The following ACTA2 variants were observed in gnomAD, a reference collection of about 807,000 sequenced individuals.
ACTA2 encodes the protein actin alpha 2, smooth muscle.
Under a neutral mutation model 39.5 loss-of-function variants are expected in ACTA2, and 12 were observed. The ratio of observed to expected loss-of-function variants is 0.30; its 90% CI spans 0.19 to 0.49. ACTA2 has a LOEUF of 0.49. ACTA2 is among the 20% of genes least tolerant of loss of function. The probability of loss-of-function intolerance (pLI) is 0.99; values close to 1 mark genes in which losing one functional copy is unlikely to be tolerated. For synonymous variants in ACTA2, 158 were observed against 180.6 expected (o/e 0.88, Z 1.00); for missense variants, 236 against 498.8 (o/e 0.47, Z 5.02).
intron 2 of ACTA2, chr10:88,948,484 T>C: frequency 3.0e-6 from 1 of 338,410 alleles, no homozygotes; most frequent in South Asian, 2.7e-5. Context: ...GTAGCTTTGG[T>C]ATACATCAGG....
chr10:88,962,939 AT>A (rs1564653461), intron 1 of ACTA2, among the ~76,000 whole-genome samples: 11 of 12,042 alleles, frequency 9.1e-4, no homozygotes, highest in East Asian at 2.3e-3. Flanking sequence ...ATATATATAT[AT>A]ATATATATAT....
At chr10:88,950,643 A>ATCTTC (rs1356234705) in intron 1 of ACTA2, among the ~76,000 whole-genome samples, 1 of 152,246 alleles carries the variant, frequency 6.6e-6, no homozygotes, top group Non-Finnish European at 1.5e-5. Flanking sequence ...TGATACATTT[A>ATCTTC]GGACAACGAA....
chr10:88,952,010 C>T (rs1412807758), intron 1 of ACTA2, among the ~76,000 whole-genome samples: 3 of 152,166 alleles, frequency 2.0e-5, no homozygotes, highest in African/African-American at 4.8e-5. Context: ...GATATCCGGC[C>T]GGGAGGCACA....
At chr10:88,942,352 G>A (rs1021518951) in intron 4 of ACTA2, among the ~76,000 whole-genome samples, 6 of 152,204 alleles carry the variant, frequency 3.9e-5, no homozygotes, top group Non-Finnish European at 7.4e-5. Context: ...TATAAAGAAA[G>A]AGAACTTTTA....
chr10:88,935,619 T>C (rs1845722881), intron 8 of ACTA2: 2 of 413,970 alleles, frequency 4.8e-6, no homozygotes, highest in Non-Finnish European at 4.6e-6. Context: ...GACCACATTA[T>C]TGAGCAAACT....
intron 1 of ACTA2, among the ~76,000 whole-genome samples, chr10:88,970,335 TTGTC>T (rs1248960754): frequency 6.6e-6 from 1 of 152,142 alleles, no homozygotes; most frequent in Non-Finnish European, 1.5e-5. Context: ...ATTGACCTGA[TTGTC>T]TGTCCTCTTC....
At position 88,990,968 on chromosome 10, in the gene ACTA2, G is replaced by A; in HGVS notation, c.-53C>T. On this transcript the variant is annotated 5_prime_UTR_variant, in exon 1 of 5. Transcript: ENST00000415557. The surrounding 1 kb of genome is among the most constrained non-coding windows in gnomAD (Gnocchi z 4.9). Reference sequence around the variant, plus strand: ...TCTTAGTCCCGGGGATAGGCAAAGTGGGGCGGGCGCGGGACGCGTGCGGGA... The same window carrying A: ...TCTTAGTCCCGGGGATAGGCAAAGTAGGGCGGGCGCGGGACGCGTGCGGGA... 6.2e-7 allele frequency: 1 copy of A among 1,611,226 alleles called. No individual in the cohort carries two copies. Among genetic ancestry groups the A allele is most frequent in the Non-Finnish European group, 8.5e-7 (1 of 1,177,646 alleles).
chr10:88,969,316 T>C (rs1846381013), intron 1 of ACTA2, among the ~76,000 whole-genome samples: 1 of 152,236 alleles, frequency 6.6e-6, no homozygotes, highest in Admixed American at 6.5e-5. Flanking sequence ...AAAAAATCTT[T>C]GGAAGAAGTG....
At chr10:88,949,647 T>A (rs1846014925) in intron 1 of ACTA2, among the ~76,000 whole-genome samples, 1 of 152,180 alleles carries the variant, frequency 6.6e-6, no homozygotes, top group African/African-American at 2.4e-5. Context: ...GTGAGCCTGA[T>A]GGATTATATA....
intron 1 of ACTA2, among the ~76,000 whole-genome samples, chr10:88,971,683 G>A (rs1421160731): frequency 1.3e-5 from 2 of 152,044 alleles, no homozygotes; most frequent in Non-Finnish European, 2.9e-5. Context: ...AATAGGACAC[G>A]TGTAAGACTA....
intron 1 of ACTA2, among the ~76,000 whole-genome samples, chr10:88,951,381 T>C (rs1316263269): frequency 6.6e-6 from 1 of 152,128 alleles, no homozygotes; most frequent in Non-Finnish European, 1.5e-5. Context: ...TGCTGGGATA[T>C]TTTTAATAAC....
chr10:88,952,208 G>A (rs541743297), intron 1 of ACTA2, among the ~76,000 whole-genome samples: 2 of 152,146 alleles, frequency 1.3e-5, no homozygotes, highest in Non-Finnish European at 2.9e-5. Context: ...TTAGAGCCAG[G>A]GAAACCCAGA....
At chr10:88,947,210 C>G (rs1845967358) in intron 3 of ACTA2, 48 bp downstream of exon 3, 1 of 1,612,692 alleles carries the variant, frequency 6.2e-7, no homozygotes, top group Non-Finnish European at 8.5e-7. Flanking sequence ...TCAGAGAACA[C>G]AGGGATTATG....
intron 1 of ACTA2, among the ~76,000 whole-genome samples, chr10:88,960,602 CAGGT>C (rs1361129717): frequency 6.6e-6 from 1 of 151,004 alleles, no homozygotes; most frequent in Admixed American, 6.6e-5. Flanking sequence ...TCAGTGGTAT[CAGGT>C]AGAGAAATAG....
At chr10:88,971,063 C>T (rs1158150783) in intron 1 of ACTA2, among the ~76,000 whole-genome samples, 1 of 152,096 alleles carries the variant, frequency 6.6e-6, no homozygotes, top group African/African-American at 2.4e-5. Context: ...CTACAGATGG[C>T]ACAAATAATA....
intron 1 of ACTA2, among the ~76,000 whole-genome samples, chr10:88,979,634 C>G (rs1846660403): frequency 6.6e-6 from 1 of 151,790 alleles, no homozygotes; most frequent in Non-Finnish European, 1.5e-5. Context: ...AACAAGTCTA[C>G]ATAACCTGAG....
At chr10:88,984,372 A>G (rs1846810926) in intron 1 of ACTA2, among the ~76,000 whole-genome samples, 1 of 152,118 alleles carries the variant, frequency 6.6e-6, no homozygotes, top group Non-Finnish European at 1.5e-5. Context: ...TTCTGCCTGT[A>G]TAGGTCAGAA....
chr10:88,951,890 C>T (rs1406491652), intron 1 of ACTA2, among the ~76,000 whole-genome samples: 1 of 152,192 alleles, frequency 6.6e-6, no homozygotes, highest in Admixed American at 6.5e-5. Flanking sequence ...GCTGAAGCTG[C>T]CAAACCTTGA....
At chr10:88,935,954 G>A (rs1223601340) in intron 8 of ACTA2, among the ~76,000 whole-genome samples, 2 of 152,170 alleles carry the variant, frequency 1.3e-5, no homozygotes, top group Admixed American at 1.3e-4. Context: ...AACCTGCAAG[G>A]CATGCTCATG....
Sources: gnomAD v4.1 joint callset for allele counts (sites outside exome capture counted in the v4.1 genomes callset) on GRCh38, gnomAD v4.1.1 for gene constraint, Gnocchi (gnomAD v3.1) non-coding constraint, MANE v1.5 for transcripts, NCBI Gene and HGNC (gene_info 2026-07-23, HGNC 2026-07-21) for gene names.